LRRC4C: variants seen among roughly 807,000 people sequenced by gnomAD.
The protein encoded by LRRC4C is leucine rich repeat containing 4C, also known as leucine-rich repeat-containing protein 4C.
Under a neutral mutation model 33.6 loss-of-function variants are expected in LRRC4C, and 5 were observed. The ratio of observed to expected loss-of-function variants is 0.15; its 90% CI spans 0.08 to 0.31. The LOEUF (loss-of-function observed/expected upper bound fraction) is 0.31, where lower values mean the gene tolerates loss of function less well. Among genes scored for constraint, LRRC4C ranks in the 10% least tolerant of loss-of-function variants. The probability of loss-of-function intolerance (pLI) is 1.00; values close to 1 mark genes in which losing one functional copy is unlikely to be tolerated. For missense variants in LRRC4C, 560 were observed against 796.7 expected (o/e 0.70, Z 3.58); for synonymous variants, 329 against 302.0 (o/e 1.09, Z -0.93).
intron 1 of LRRC4C, among the ~76,000 whole-genome samples, chr11:41,333,985 A>T (rs992995252): frequency 1.3e-4 from 20 of 152,116 alleles, no homozygotes; most frequent in African/African-American, 4.6e-4. Flanking sequence ...TTTTCTAGAA[A>T]ATTTCACATC....
chr11:40,306,237 A>T (rs1202424074), intron 4 of LRRC4C, among the ~76,000 whole-genome samples: 1 of 152,224 alleles, frequency 6.6e-6, no homozygotes, highest in African/African-American at 2.4e-5. Flanking sequence ...TTGTATCTTT[A>T]AAAAGGTTAG....
intron 4 of LRRC4C, among the ~76,000 whole-genome samples, chr11:40,313,585 T>G (rs11035775): frequency 2.5e-4 from 23 of 90,620 alleles, no homozygotes; most frequent in Non-Finnish European, 6.3e-4. Context: ...GAAAACATGC[T>G]AGGAGGGGAA....
intron 2 of LRRC4C, among the ~76,000 whole-genome samples, chr11:40,867,590 A>G (rs775968881): frequency 6.6e-6 from 1 of 152,196 alleles, no homozygotes; most frequent in Admixed American, 6.5e-5. Flanking sequence ...TGCTAAGGCA[A>G]TGTATTTGTG....
intron 3 of LRRC4C, among the ~76,000 whole-genome samples, chr11:40,394,481 T>G (rs1949460887): frequency 6.6e-6 from 1 of 152,178 alleles, no homozygotes; most frequent in Non-Finnish European, 1.5e-5. Flanking sequence ...CCATCATACA[T>G]GCTTTCCTGA....
At chr11:40,871,363 CA>C (rs1401453023) in intron 2 of LRRC4C, among the ~76,000 whole-genome samples, 4 of 152,046 alleles carry the variant, frequency 2.6e-5, no homozygotes, top group African/African-American at 9.7e-5. Flanking sequence ...TTTTACGGCT[CA>C]GGGGGCATCA....
At chr11:40,476,169 C>A (rs2063330712) in intron 3 of LRRC4C, among the ~76,000 whole-genome samples, 1 of 152,030 alleles carries the variant, frequency 6.6e-6, no homozygotes, top group Admixed American at 6.6e-5. Context: ...TGTATTCCAA[C>A]TAGAAGTGTG....
chr11:40,469,256 C>T (rs1952804775), intron 3 of LRRC4C, among the ~76,000 whole-genome samples: 2 of 152,162 alleles, frequency 1.3e-5, no homozygotes, highest in African/African-American at 4.8e-5. Flanking sequence ...TGGGGTGTCA[C>T]CTCACCTGGG....
At chr11:40,599,959 T>C (rs1959809395) in intron 3 of LRRC4C, among the ~76,000 whole-genome samples, 1 of 152,222 alleles carries the variant, frequency 6.6e-6, no homozygotes, top group Non-Finnish European at 1.5e-5. Context: ...TCAAGGAATT[T>C]GAACTCCTAG....
intron 3 of LRRC4C, among the ~76,000 whole-genome samples, chr11:40,532,469 G>A (rs752074734): frequency 3.8e-4 from 58 of 151,718 alleles, no homozygotes; most frequent in African/African-American, 1.4e-3. Flanking sequence ...ATAGCCTATG[G>A]GTAGGAAGAT....
chr11:40,615,519 T>G (rs1379365435), intron 3 of LRRC4C, among the ~76,000 whole-genome samples: 3 of 151,618 alleles, frequency 2.0e-5, no homozygotes, highest in Non-Finnish European at 4.4e-5. Context: ...CAATATTTAC[T>G]GGATGACCCT....
chr11:41,261,318 T>C (rs1253992192), intron 1 of LRRC4C, among the ~76,000 whole-genome samples: 1 of 152,068 alleles, frequency 6.6e-6, no homozygotes, highest in African/African-American at 2.4e-5. Flanking sequence ...TTCAGAACAG[T>C]TGAAGAATAA....
chr11:41,387,352 C>T (rs1016743232), intron 1 of LRRC4C, among the ~76,000 whole-genome samples: 6 of 151,576 alleles, frequency 4.0e-5, no homozygotes, highest in Non-Finnish European at 7.4e-5. Flanking sequence ...TGAGGAACAC[C>T]TGACTGAATC....
Position 41,239,983 on chromosome 11 carries a change from C to T in LRRC4C, c.-496+219448G>A, listed in dbSNP as rs913617641. On this transcript the variant is annotated intron_variant, in intron 1 of 6. Coordinates refer to ENST00000528697, the MANE Select transcript of LRRC4C (RefSeq NM_001258419.2). ...AGAGCCTCACATAATTTTACCCATT[C>T]TGGCTATTAAAAATTGTGTTGTGTC... Among the ~76,000 whole-genome samples, 6 of 152,166 alleles carry T rather than the reference C, an allele frequency of 3.9e-5. No individual in the cohort carries two copies. In the South Asian group the frequency reaches 1.2e-3, roughly 32 times the overall value.
At chr11:40,756,930 T>A (rs1379949097) in intron 2 of LRRC4C, among the ~76,000 whole-genome samples, 1 of 152,028 alleles carries the variant, frequency 6.6e-6, no homozygotes, top group Non-Finnish European at 1.5e-5. Context: ...TTTTGTCATG[T>A]TTGGAGAGCA....
At position 41,209,644 on chromosome 11, in the gene LRRC4C, CA is replaced by C. The variant is rs34559903; in HGVS notation, c.-496+249786del. On this transcript the variant is annotated intron_variant, in intron 1 of 6. Transcript: ENST00000528697. ...TGGGCAACAGAGTGAGACTCTGTCT[CA>C]AAAAAAAAAAAAAATTAAAGAGAAA... 3.9e-3 allele frequency among the ~76,000 whole-genome samples: 451 copies of C among 115,566 alleles called. 3 individuals carry two copies. The highest frequency in any genetic ancestry group is 0.011 in the South Asian group (37 of 3,514). The allele number at this position is 115,566 out of a possible 152,430, so 75.8% of individuals were successfully genotyped here.
chr11:40,144,465 G>A (rs1857583664), intron 5 of LRRC4C, among the ~76,000 whole-genome samples: 1 of 152,070 alleles, frequency 6.6e-6, no homozygotes, highest in South Asian at 2.1e-4. Flanking sequence ...ATTAAGCCTG[G>A]ACTTGGGAAA....
chr11:40,844,830 G>A (rs1953081544), intron 2 of LRRC4C, among the ~76,000 whole-genome samples: 3 of 152,144 alleles, frequency 2.0e-5, no homozygotes, highest in Admixed American at 2.0e-4. Context: ...ATTGCTAAGA[G>A]AGAAGATTTT....
intron 1 of LRRC4C, among the ~76,000 whole-genome samples, chr11:41,420,227 A>G (rs1248045952): frequency 6.6e-6 from 1 of 151,948 alleles, no homozygotes; most frequent in Non-Finnish European, 1.5e-5. Flanking sequence ...TCATTTCTCC[A>G]AAGAGATCCA....
intron 1 of LRRC4C, among the ~76,000 whole-genome samples, chr11:41,141,606 T>C (rs185241548): frequency 6.6e-6 from 1 of 152,066 alleles, no homozygotes; most frequent in African/African-American, 2.4e-5. Context: ...TCTTCCATGC[T>C]CTTCTTATGA....
Sources: allele counts gnomAD v4.1 joint callset (sites outside exome capture counted in the v4.1 genomes callset), GRCh38; gene constraint gnomAD v4.1.1; transcripts MANE v1.5; gene names NCBI Gene and HGNC (gene_info 2026-07-23, HGNC 2026-07-21).